Variants in SCHIP1 observed in about 807,000 individuals in gnomAD.
SCHIP1 encodes schwannomin interacting protein 1, also known as schwannomin-interacting protein 1.
In SCHIP1, 8 loss-of-function variants were observed where a neutral mutation model predicts 29.7. That is an observed-to-expected ratio of 0.27 (90% CI 0.16 to 0.49). The LOEUF is 0.49. SCHIP1 is among the 20% of genes least tolerant of loss of function. The pLI, the probability that SCHIP1 is intolerant of heterozygous loss-of-function variation, is 0.99. For missense variants in SCHIP1, 193 were observed against 294.6 expected (o/e 0.66, Z 2.52); for synonymous variants, 76 against 94.9 (o/e 0.80, Z 1.16).
At chr3:159,629,062 T>C in the SCHIP1 span, among the ~76,000 whole-genome samples, 1 of 152,162 alleles carries the variant, frequency 6.6e-6, no homozygotes, top group East Asian at 1.9e-4. Flanking sequence ...CTATCAATTA[T>C]ACATGCTGAA....
At chr3:159,273,385 G>A in the SCHIP1 span, 3 of 1,000,544 alleles carry the variant, frequency 3.0e-6, no homozygotes, top group Non-Finnish European at 3.6e-6. Flanking sequence ...CTATTTTATT[G>A]TATTATTTTT....
the SCHIP1 span, among the ~76,000 whole-genome samples, chr3:159,419,307 G>C: frequency 9.2e-5 from 14 of 152,148 alleles, no homozygotes; most frequent in Admixed American, 9.2e-4. Context: ...TGTGTGTGAA[G>C]CACCTAGCAC....
chr3:159,837,170 T>G (rs902787902), upstream of SCHIP1, among the ~76,000 whole-genome samples: 66 of 152,228 alleles, frequency 4.3e-4, no homozygotes, highest in African/African-American at 1.4e-3. Context: ...TATATCCCAT[T>G]GTCTTCAGTT....
the SCHIP1 span, among the ~76,000 whole-genome samples, chr3:159,336,220 G>C: frequency 6.6e-6 from 1 of 151,802 alleles, no homozygotes; most frequent in Non-Finnish European, 1.5e-5. Flanking sequence ...ATTTGTTTGA[G>C]TTCATTGTAG....
At chr3:159,521,732 A>G in the SCHIP1 span, among the ~76,000 whole-genome samples, 1 of 152,250 alleles carries the variant, frequency 6.6e-6, no homozygotes, top group Non-Finnish European at 1.5e-5. Context: ...GAAATATAAC[A>G]GTATGTTGTG....
chr3:159,830,043 A>G, the SCHIP1 span, among the ~76,000 whole-genome samples: 2 of 152,250 alleles, frequency 1.3e-5, no homozygotes, highest in East Asian at 3.8e-4. Context: ...TTAATGAAGA[A>G]TACGCAGAGA....
chr3:159,765,063 G>T, the SCHIP1 span: 1 of 1,563,820 alleles, frequency 6.4e-7, no homozygotes, highest in East Asian at 2.4e-5. Context: ...AGGCGCTGGA[G>T]AAGCATCTGG....
chr3:159,645,731 T>C, the SCHIP1 span, among the ~76,000 whole-genome samples: 1 of 151,624 alleles, frequency 6.6e-6, no homozygotes, highest in African/African-American at 2.4e-5. Flanking sequence ...AGAGGAAAAA[T>C]AGAGAAATAC....
At chr3:159,777,693 T>G in the SCHIP1 span, among the ~76,000 whole-genome samples, 1 of 152,196 alleles carries the variant, frequency 6.6e-6, no homozygotes, top group Non-Finnish European at 1.5e-5. Context: ...CTCAGCTGTT[T>G]CATCTGCTAG....
chr3:159,400,509 G>C, the SCHIP1 span, among the ~76,000 whole-genome samples: 6 of 152,306 alleles, frequency 3.9e-5, no homozygotes, highest in Middle Eastern at 3.4e-3. Context: ...TGATGAAGGA[G>C]AAGAGTTAAA....
At chr3:159,549,233 G>C in the SCHIP1 span, among the ~76,000 whole-genome samples, 3 of 151,960 alleles carry the variant, frequency 2.0e-5, no homozygotes, top group Non-Finnish European at 2.9e-5. Context: ...CTCCTTTCTG[G>C]GATTTCCCAT....
the SCHIP1 span, among the ~76,000 whole-genome samples, chr3:159,392,145 G>C: frequency 1.3e-5 from 2 of 152,140 alleles, no homozygotes; most frequent in African/African-American, 4.8e-5. Context: ...CCCCTTAGTT[G>C]CCTGTCATCA....
chr3:159,401,510 C>CTATT, the SCHIP1 span: 95 of 213,752 alleles, frequency 4.4e-4, no homozygotes, highest in Non-Finnish European at 6.3e-4. Flanking sequence ...GTGATAGGTA[C>CTATT]TATTTTCATC....
At chr3:159,602,513 A>G in the SCHIP1 span, among the ~76,000 whole-genome samples, 8 of 152,152 alleles carry the variant, frequency 5.3e-5, no homozygotes, top group Admixed American at 4.6e-4. Flanking sequence ...GTTCGAGACC[A>G]GCCTGGCCAA....
At chr3:159,664,897 C>G in the SCHIP1 span, among the ~76,000 whole-genome samples, 1 of 152,240 alleles carries the variant, frequency 6.6e-6, no homozygotes, top group African/African-American at 2.4e-5. Flanking sequence ...AGATTCTCTG[C>G]CCCATGCAGA....
the SCHIP1 span, among the ~76,000 whole-genome samples, chr3:159,453,064 C>T: frequency 8.5e-5 from 13 of 152,158 alleles, no homozygotes; most frequent in Non-Finnish European, 1.5e-4. Flanking sequence ...AACTGAATCC[C>T]AACAGTGTCA....
the SCHIP1 span, among the ~76,000 whole-genome samples, chr3:159,542,952 T>C: frequency 9.9e-5 from 15 of 152,108 alleles, no homozygotes; most frequent in Admixed American, 3.9e-4. Flanking sequence ...CCAAATTCTT[T>C]TGGTTTGAAT....
the SCHIP1 span, among the ~76,000 whole-genome samples, chr3:159,384,290 C>G: frequency 6.6e-6 from 1 of 151,664 alleles, no homozygotes. Context: ...CCCATCAATA[C>G]CTAACTTATT....
chr3:159,663,213 G>A, the SCHIP1 span, among the ~76,000 whole-genome samples: 1 of 152,184 alleles, frequency 6.6e-6, no homozygotes. Flanking sequence ...TGGTGTGAGT[G>A]TAAATGAATG....
Sources: gnomAD v4.1 joint callset for allele counts (sites outside exome capture counted in the v4.1 genomes callset) on GRCh38, gnomAD v4.1.1 for gene constraint, MANE v1.5 for transcripts, NCBI Gene and HGNC (gene_info 2026-07-23, HGNC 2026-07-21) for gene names.